TRIM9: variants seen among roughly 807,000 people sequenced by gnomAD.
TRIM9 encodes the protein E3 ubiquitin-protein ligase TRIM9.
Under a neutral mutation model 78.3 loss-of-function variants are expected in TRIM9, and 26 were observed. The ratio of observed to expected loss-of-function variants is 0.33; its 90% confidence interval spans 0.24 to 0.46. The LOEUF is 0.46. Among genes scored for constraint, TRIM9 ranks in the 20% least tolerant of loss-of-function variants. The pLI is 1.00. For synonymous variants in TRIM9, 398 were observed against 416.5 expected, an observed-to-expected ratio of 0.96 and a Z score of 0.54; for missense variants, 787 against 1,036.4, an observed-to-expected ratio of 0.76 and a Z score of 3.30.
chr14:50,996,075 G>A, intron 7 of TRIM9: 1 of 985,036 alleles, frequency 1.0e-6, no homozygotes, highest in Non-Finnish European at 1.2e-6. Context: ...TATGGAGAAA[G>A]TATGTGTGTG....
chr14:50,997,185 T>G, intron 7 of TRIM9: 1 of 985,444 alleles, frequency 1.0e-6, no homozygotes, highest in Non-Finnish European at 1.2e-6. Context: ...CCTTGTAGGT[T>G]TAATTTCATG....
In TRIM9 at chr14:51,080,436, A is replaced by AACAC. The variant is rs34062978; in HGVS notation, c.822+13678_822+13681dup. ...TAGGTGTTTCAATTGAGTTTTATTG[A>AACAC]ACACACACACACACACACACACACA... On this transcript the variant is annotated intron_variant, in intron 1 of 12. Coordinates refer to ENST00000684578, the MANE Select transcript of TRIM9 (RefSeq NM_001387360.1). Among the ~76,000 whole-genome samples the AACAC allele has an allele frequency of 2.1e-3, 303 of 144,022 alleles. 1 individual carries two copies. The highest frequency in any genetic ancestry group is 3.4e-3 in the Middle Eastern group (1 of 290). The allele number at this position is 144,022 out of a possible 152,430, so 94.5% of individuals were successfully genotyped here.
At chr14:51,043,484 C>A (rs1383910970) in intron 1 of TRIM9, among the ~76,000 whole-genome samples, 1 of 152,214 alleles carries the variant, frequency 6.6e-6, no homozygotes, top group East Asian at 1.9e-4. Flanking sequence ...CCCATAAACA[C>A]ACTTAAGCAG....
In TRIM9 at chr14:51,031,111, G is replaced by C. The variant is rs188003418; in HGVS notation, c.823-5751C>G. On this transcript the variant is annotated intron_variant, in intron 1 of 12. Transcript: ENST00000684578. Reference sequence around the variant, plus strand: ...TGCAGTGAGCTGTGATTGCGCCATTGCACTCCAGCCTGGGCAACAAGAATG... The same window carrying C: ...TGCAGTGAGCTGTGATTGCGCCATTCCACTCCAGCCTGGGCAACAAGAATG... Among the ~76,000 whole-genome samples the C allele has an allele frequency of 1.3e-4, 17 of 128,144 alleles. No individual in the cohort carries two copies. In the East Asian group the frequency reaches 4.0e-3, roughly 30 times the overall value. The allele number at this position is 128,144 out of a possible 152,430, so 84.1% of individuals were successfully genotyped here. A position where few individuals can be genotyped will look rare whatever the true frequency, so the allele number is the denominator to read the frequency against.
rs28642840 is a variant in TRIM9, at chr14:51,047,042, C to T, written c.823-21682G>A. 8.1e-3 allele frequency among the ~76,000 whole-genome samples: 1,231 copies of T among 152,144 alleles called. 17 individuals are homozygous for T. The highest frequency in any genetic ancestry group is 0.028 in the African/African-American group (1,154 of 41,508). On this transcript the variant is annotated intron_variant, in intron 1 of 12. Transcript: ENST00000684578. ...ATAGAGTCACCTTTGAGGATGGGGA[C>T]GGGGATACATGGAGTGTCATTTATC...
chr14:51,048,581 T>G (rs2060136762), intron 1 of TRIM9, among the ~76,000 whole-genome samples: 1 of 70,212 alleles, frequency 1.4e-5, no homozygotes, highest in East Asian at 3.9e-4. Flanking sequence ...CCTAGGCACA[T>G]AAACAAATAA....
chr14:51,039,631 T>G (rs537360299), intron 1 of TRIM9, among the ~76,000 whole-genome samples: 2 of 152,230 alleles, frequency 1.3e-5, no homozygotes, highest in Non-Finnish European at 2.9e-5. Flanking sequence ...GAGGGGATTC[T>G]CTAAGGTATG....
At chr14:51,015,006 CCA>C (rs1292766788) in intron 3 of TRIM9, among the ~76,000 whole-genome samples, 1 of 152,210 alleles carries the variant, frequency 6.6e-6, no homozygotes, top group Non-Finnish European at 1.5e-5. Flanking sequence ...AATCTGCAGT[CCA>C]CAGTTTCAGA....
chr14:51,065,399 G>A (rs1471964579), intron 1 of TRIM9, among the ~76,000 whole-genome samples: 1 of 152,202 alleles, frequency 6.6e-6, no homozygotes, highest in Non-Finnish European at 1.5e-5. Flanking sequence ...CTCCTTGATG[G>A]ATAATGGATG....
intron 1 of TRIM9, among the ~76,000 whole-genome samples, chr14:51,033,003 C>A (rs1004068203): frequency 3.9e-5 from 6 of 152,098 alleles, no homozygotes; most frequent in African/African-American, 1.4e-4. Flanking sequence ...GTAAATATAC[C>A]AGAATCTGCA....
At chr14:51,062,099 T>C (rs1294555145) in intron 1 of TRIM9, among the ~76,000 whole-genome samples, 4 of 140,168 alleles carry the variant, frequency 2.9e-5, no homozygotes, top group African/African-American at 1.0e-4. Flanking sequence ...GTCCAATAAA[T>C]AAATTATTTA....
rs543477029 is a variant in TRIM9 at position 51,053,987 on chromosome 14, T to C, written c.823-28627A>G. On this transcript the variant is annotated intron_variant, in intron 1 of 12. Coordinates refer to ENST00000684578, the MANE Select transcript of TRIM9 (RefSeq NM_001387360.1). ...TTTAATCAGCTACCATCTCTAAAGA[T>C]AGATGAGTGGCCAACATTAACTTTT... Among the ~76,000 whole-genome samples, 9 of 152,356 alleles carry C rather than the reference T, an allele frequency of 5.9e-5. No individual in the cohort carries two copies. The South Asian group carries it at 1.4e-3, about 25-fold the overall frequency.
chr14:50,984,233 TAAAG>T (rs1013571983), intron 8 of TRIM9, among the ~76,000 whole-genome samples: 1 of 152,210 alleles, frequency 6.6e-6, no homozygotes, highest in African/African-American at 2.4e-5. Flanking sequence ...CACTGGGGGA[TAAAG>T]AAAGGATCAT....
chr14:51,016,754 C>G (rs1959529), intron 3 of TRIM9, among the ~76,000 whole-genome samples: 54,224 of 151,908 alleles, frequency 0.36, 10,008 homozygotes, highest in South Asian at 0.64. Context: ...CATGAAACTG[C>G]TCCCTGGTGC....
At chr14:51,089,443 A>G (rs2064106329) in intron 1 of TRIM9, 1 of 152,234 alleles carries the variant, frequency 6.6e-6, no homozygotes, top group African/African-American at 2.4e-5. Context: ...TTTTCATTAC[A>G]CAAGAACAGA....
intron 1 of TRIM9, among the ~76,000 whole-genome samples, chr14:51,072,177 A>C: frequency 6.6e-6 from 1 of 152,330 alleles, no homozygotes; most frequent in Middle Eastern, 3.4e-3. Context: ...TTCTTTCTGG[A>C]ACATTCCAGG....
intron 1 of TRIM9, among the ~76,000 whole-genome samples, chr14:51,087,932 A>G (rs1241752738): frequency 6.6e-6 from 1 of 152,236 alleles, no homozygotes; most frequent in Non-Finnish European, 1.5e-5. Flanking sequence ...GGTTTTTAAA[A>G]TTATATTACA....
chr14:51,074,872 G>C (rs1012342312), intron 1 of TRIM9, among the ~76,000 whole-genome samples: 5 of 152,180 alleles, frequency 3.3e-5, no homozygotes, highest in Admixed American at 2.6e-4. Flanking sequence ...TAAAATGAGG[G>C]GAATGAAAGA....
chr14:51,094,827 A>G lies in TRIM9; in HGVS notation c.113T>C (p.Leu38Pro). Residue 38 changes from leucine to proline, a missense_variant, in exon 1 of 13, where the codon CTG (leucine) becomes CCG (proline). Coordinates refer to ENST00000684578, the MANE Select transcript of TRIM9 (RefSeq NM_001387360.1). ...GGATTCAGACTCTGGGGTCTGCACC[A>G]GGATGTTGCGGGCGCACGCCTGACA... ...NLCQACARNILVQTPESESPQ... is the reference protein window; with the variant it reads ...NLCQACARNIPVQTPESESPQ... The G allele has an allele frequency of 6.5e-7, 1 of 1,535,300 alleles. No individual in the cohort carries two copies. The highest frequency in any genetic ancestry group is 1.3e-5 in the South Asian group (1 of 77,168).
Sources: gnomAD v4.1 joint callset for allele counts (sites outside exome capture counted in the v4.1 genomes callset) on GRCh38, gnomAD v4.1.1 for gene constraint, MANE v1.5 for transcripts, NCBI Gene and HGNC (gene_info 2026-07-23, HGNC 2026-07-21) for gene names.